Variants in ATXN1 observed in about 807,000 individuals in gnomAD.
ATXN1 encodes the protein ataxin 1.
In ATXN1, 8 loss-of-function variants were observed where a neutral mutation model predicts 56.4. That is an observed-to-expected ratio of 0.14 (90% confidence interval 0.08 to 0.26). The LOEUF (loss-of-function observed/expected upper bound fraction) is 0.26. Among genes scored for constraint, ATXN1 ranks in the 10% least tolerant of loss-of-function variants. The pLI, the probability that ATXN1 is intolerant of heterozygous loss-of-function variation, is 1.00. For synonymous variants in ATXN1, 514 were observed against 494.6 expected (o/e 1.04, Z -0.52); for missense variants, 987 against 1,106.5 (o/e 0.89, Z 1.53).
chr6:16,604,352 C>T (rs924634619), intron 3 of ATXN1, among the ~76,000 whole-genome samples: 1 of 149,472 alleles, frequency 6.7e-6, no homozygotes, highest in African/African-American at 2.5e-5. Flanking sequence ...CAAAAATTAT[C>T]GTGGCACGTG....
At chr6:16,638,961 A>T (rs1042630222) in intron 3 of ATXN1, among the ~76,000 whole-genome samples, 1 of 151,064 alleles carries the variant, frequency 6.6e-6, no homozygotes. Flanking sequence ...TCTTGGGTCG[A>T]GTGGGGACTT....
At chr6:16,392,138 G>C (rs1002365266) in intron 6 of ATXN1, among the ~76,000 whole-genome samples, 11 of 152,364 alleles carry the variant, frequency 7.2e-5, no homozygotes, top group Middle Eastern at 3.4e-3. Context: ...GTTGGCAGCA[G>C]AAATGGCACT....
At chr6:16,673,058 G>T (rs1758581192) in intron 2 of ATXN1, among the ~76,000 whole-genome samples, 1 of 149,770 alleles carries the variant, frequency 6.7e-6, no homozygotes, top group Admixed American at 6.7e-5. Context: ...AAAGAAAACG[G>T]AAAAGGCAAG....
intron 3 of ATXN1, among the ~76,000 whole-genome samples, chr6:16,626,523 C>T (rs1763409730): frequency 1.3e-5 from 2 of 152,142 alleles, no homozygotes; most frequent in Non-Finnish European, 2.9e-5. Flanking sequence ...AACTCCTGAC[C>T]TCAGATGATG....
rs1175885716 is a variant in ATXN1, at chr6:16,301,839, A to G, written c.*4490T>C. On this transcript the variant is annotated 3_prime_UTR_variant, in exon 8 of 8. Coordinates refer to ENST00000436367, the MANE Select transcript of ATXN1 (RefSeq NM_001128164.2). ...CTTCCTCACCCATATCTGAAATAGC[A>G]CGGTATTAGTGTCTTCAAAAGCATT... 1 of 152,720 alleles carries G rather than the reference A, an allele frequency of 6.5e-6. No homozygotes were observed. The highest frequency in any genetic ancestry group is 1.5e-5 in the Non-Finnish European group (1 of 68,066). The allele number at this position is 152,720 out of a possible 1,614,324, so 9.5% of individuals were successfully genotyped here.
chr6:16,308,534 G>A (rs777714401), intron 7 of ATXN1, among the ~76,000 whole-genome samples: 1 of 152,080 alleles, frequency 6.6e-6, no homozygotes, highest in Non-Finnish European at 1.5e-5. Flanking sequence ...TGGAGTTCAG[G>A]ATACACCAAG....
intron 6 of ATXN1, among the ~76,000 whole-genome samples, chr6:16,428,846 T>A (rs1157003421): frequency 6.6e-6 from 1 of 151,882 alleles, no homozygotes; most frequent in African/African-American, 2.4e-5. Flanking sequence ...AAGCCCCAAG[T>A]GGGGAGAGGT....
intron 2 of ATXN1, among the ~76,000 whole-genome samples, chr6:16,680,725 T>A (rs3793100): frequency 0.18 from 27,665 of 152,186 alleles, 2,845 homozygotes; most frequent in East Asian, 0.32. Flanking sequence ...ACATAATTCT[T>A]AAACAACCAG....
intron 7 of ATXN1, among the ~76,000 whole-genome samples, chr6:16,321,514 G>A (rs2113399080): frequency 6.6e-6 from 1 of 152,354 alleles, no homozygotes; most frequent in Non-Finnish European, 1.5e-5. Flanking sequence ...CAGCACCTAG[G>A]TGGGGGCCTG....
intron 5 of ATXN1, among the ~76,000 whole-genome samples, chr6:16,518,012 T>C (rs1403508984): frequency 6.6e-6 from 1 of 152,264 alleles, no homozygotes; most frequent in African/African-American, 2.4e-5. Context: ...AATACTGGGA[T>C]ACATGCAGTC....
chr6:16,663,413 G>A (rs1230487345), intron 2 of ATXN1, among the ~76,000 whole-genome samples: 2 of 152,120 alleles, frequency 1.3e-5, no homozygotes, highest in East Asian at 1.9e-4. Flanking sequence ...ATAAAATACA[G>A]TGACTATTGT....
rs1214249952 is a variant in ATXN1, at chr6:16,606,862, A to G, written c.-488-20955T>C. 4.2e-4 allele frequency among the ~76,000 whole-genome samples: 10 copies of G among 23,736 alleles called. No homozygotes were observed. In the East Asian group the frequency reaches 0.071, roughly 170 times the overall value. 15.6% of individuals were successfully genotyped at this position (23,736 alleles called of 152,430 possible). ...ATTTTGGGGGAAAGTATACAGTTCC[A>G]TGAGTTGTGTGTGTGTGTGTGTGTG... On this transcript the variant is annotated intron_variant, in intron 3 of 7. Coordinates refer to ENST00000436367, the MANE Select transcript of ATXN1 (RefSeq NM_001128164.2).
intron 4 of ATXN1, among the ~76,000 whole-genome samples, chr6:16,573,819 A>G (rs1486653586): frequency 2.0e-5 from 3 of 151,514 alleles, no homozygotes; most frequent in African/African-American, 4.9e-5. Flanking sequence ...AGTTTCCTCC[A>G]CCCATCATCA....
At chr6:16,733,422 G>A (rs994718801) in intron 2 of ATXN1, among the ~76,000 whole-genome samples, 33 of 152,260 alleles carry the variant, frequency 2.2e-4, no homozygotes, top group Non-Finnish European at 4.1e-4. Context: ...AATTAGTTGG[G>A]TGTGGTGGTG....
intron 6 of ATXN1, among the ~76,000 whole-genome samples, chr6:16,375,471 C>T (rs988213136): frequency 6.6e-6 from 1 of 152,168 alleles, no homozygotes; most frequent in Non-Finnish European, 1.5e-5. Flanking sequence ...TCCTTCTATG[C>T]CTGGTTACAA....
At chr6:16,622,216 C>T (rs536710725) in intron 3 of ATXN1, among the ~76,000 whole-genome samples, 1 of 152,172 alleles carries the variant, frequency 6.6e-6, no homozygotes, top group South Asian at 2.1e-4. Flanking sequence ...AAAAATTAAA[C>T]CGGTGAAGGG....
At chr6:16,412,859 C>T (rs970103836) in intron 6 of ATXN1, among the ~76,000 whole-genome samples, 2 of 152,232 alleles carry the variant, frequency 1.3e-5, no homozygotes, top group African/African-American at 4.8e-5. Context: ...CCCAGAGTGA[C>T]TGCCTTGGGG....
intron 6 of ATXN1, among the ~76,000 whole-genome samples, chr6:16,389,135 G>C (rs1484050495): frequency 6.6e-6 from 1 of 152,052 alleles, no homozygotes; most frequent in African/African-American, 2.4e-5. Context: ...AGGAGTTCGA[G>C]AGACCAGCCT....
At position 16,328,480 on chromosome 6, in the gene ATXN1, G is replaced by A; in HGVS notation, c.-160-10C>T. 1 of 1,220,546 alleles carries A rather than the reference G, an allele frequency of 8.2e-7. No individual in the cohort carries two copies. The highest frequency in any genetic ancestry group is 1.1e-6 in the Non-Finnish European group (1 of 951,442). The allele number at this position is 1,220,546 out of a possible 1,614,324, so 75.6% of individuals were successfully genotyped here. Reference sequence around the variant, plus strand: ...ACAGCAGCTCTGGATGCTGGGAAAGGGAAGAGGGCAGTGACAAAGGGAAAA... The same window carrying A: ...ACAGCAGCTCTGGATGCTGGGAAAGAGAAGAGGGCAGTGACAAAGGGAAAA... On this transcript the variant is annotated splice_polypyrimidine_tract_variant and intron_variant, in intron 6 of 7. Coordinates refer to ENST00000436367, the MANE Select transcript of ATXN1 (RefSeq NM_001128164.2). This position sits in a 1 kb window ranked among gnomAD's most constrained non-coding sequence, Gnocchi z 6.2.
Sources: gnomAD v4.1 joint callset for allele counts (sites outside exome capture counted in the v4.1 genomes callset) on GRCh38, gnomAD v4.1.1 for gene constraint, Gnocchi (gnomAD v3.1) non-coding constraint, MANE v1.5 for transcripts, NCBI Gene and HGNC (gene_info 2026-07-23, HGNC 2026-07-21) for gene names.